Variants in ZNF208 observed in about 807,000 individuals in gnomAD.
ZNF208 encodes the protein zinc finger protein 95.
Under a neutral mutation model 12.1 loss-of-function variants are expected in ZNF208, and 10 were observed. The observed-to-expected ratio is 0.83, with a 90% CI of 0.51 to 1.40. ZNF208 has a LOEUF of 1.40. Among genes scored for constraint, ZNF208 ranks in the 40% most tolerant of loss-of-function variants. The pLI is 0.00. For synonymous variants in ZNF208, 497 were observed against 488.4 expected (o/e 1.02, Z -0.23); for missense variants, 1,652 against 1,485.0 (o/e 1.11, Z -1.85).
At chr19:21,999,409 G>A (rs1970900625) in intron 1 of ZNF208, among the ~76,000 whole-genome samples, 1 of 152,062 alleles carries the variant, frequency 6.6e-6, no homozygotes, top group African/African-American at 2.4e-5. Flanking sequence ...TATACTAACT[G>A]TACTGAAGTA....
chr19:21,963,188 A>G (rs1970107218), downstream of ZNF208, among the ~76,000 whole-genome samples: 2 of 152,014 alleles, frequency 1.3e-5, no homozygotes, highest in South Asian at 4.1e-4. Flanking sequence ...AAAAACTGTT[A>G]TTTTGCCTGA....
intron 4 of ZNF208, among the ~76,000 whole-genome samples, chr19:21,947,756 CTGA>C (rs2145513423): frequency 1.3e-5 from 2 of 152,320 alleles, no homozygotes; most frequent in South Asian, 4.1e-4. Context: ...CTCTGGGATT[CTGA>C]TGTTTTCCTG....
chr19:21,974,365 A>G lies in ZNF208; in HGVS notation c.669T>C (p.His223=). ...TACATCTGTAGGGTTTCTCTCCAGT[A>G]TGAGCACTCTTATAATAAGTAAGGG... ...SSTLTYYKSA[H]TGEKPYRCKE... Residue 223 remains histidine, a synonymous_variant, in exon 4 of 4, where the codon CAT becomes CAC. Transcript: ENST00000397126. The G allele has an allele frequency of 6.2e-7, 1 of 1,613,768 alleles. No individual in the cohort carries two copies. Among genetic ancestry groups the G allele is most frequent in the Non-Finnish European group, 8.5e-7 (1 of 1,179,788 alleles).
intron 3 of ZNF208, among the ~76,000 whole-genome samples, chr19:21,978,362 T>C (rs1599619991): frequency 6.6e-6 from 1 of 152,276 alleles, no homozygotes; most frequent in East Asian, 1.9e-4. Context: ...GGGACGAAGC[T>C]TCCAGAGGAA....
intron 1 of ZNF208, among the ~76,000 whole-genome samples, chr19:22,004,169 C>T (rs1448337980): frequency 6.6e-6 from 1 of 150,446 alleles, no homozygotes; most frequent in Non-Finnish European, 1.5e-5. Flanking sequence ...AAAGGTGAGA[C>T]CCTGTCTCCA....
At chr19:21,996,666 G>T (rs1035179525) in intron 1 of ZNF208, among the ~76,000 whole-genome samples, 2 of 152,074 alleles carry the variant, frequency 1.3e-5, no homozygotes, top group African/African-American at 4.8e-5. Context: ...GAACATTTGT[G>T]GGCATTTTAG....
chr19:21,971,487 T>C lies in ZNF208; in HGVS notation c.3547A>G (p.Ile1183Val), dbSNP rs372100985. 211 of 1,611,396 alleles carry C rather than the reference T, an allele frequency of 1.3e-4. No individual in the cohort carries two copies. The highest frequency in any genetic ancestry group is 5.0e-4 in the Middle Eastern group (3 of 6,060). Residue 1183 changes from isoleucine to valine, a missense_variant, in exon 4 of 4, where the codon ATC becomes GTC. By Grantham distance (29) the Ile-to-Val change is conservative. Transcript: ENST00000397126. ...ECGKGFVMFSILAKHKVIHTG... is the reference protein window; with the variant it reads ...ECGKGFVMFSVLAKHKVIHTG... ...TGAATTACCTTATGTTTTGCAAGGA[T>C]TGAGAACATAACAAAGCCTTTGCCA...
chr19:22,003,040 T>C (rs1163297949), intron 1 of ZNF208, among the ~76,000 whole-genome samples: 3 of 152,036 alleles, frequency 2.0e-5, no homozygotes, highest in Admixed American at 2.0e-4. Context: ...CCAGAAATAA[T>C]GCCACACACC....
intron 2 of ZNF208, 102 bp downstream of exon 2, chr19:21,988,676 TTTGTC>T: frequency 6.3e-7 from 1 of 1,597,840 alleles, no homozygotes; most frequent in Non-Finnish European, 8.5e-7. Flanking sequence ...CTCTTTTGTC[TTTGTC>T]TTTATTCTCA....
In ZNF208 at chr19:21,970,257, C is replaced by T. The variant is rs561248956; in HGVS notation, c.*934G>A. On this transcript the variant is annotated 3_prime_UTR_variant, in exon 4 of 4. Coordinates refer to ENST00000397126, the MANE Select transcript of ZNF208 (RefSeq NM_007153.3). ...GATCTATTAGAGGCTTTCCCACATTCTTCACACATGCATGGTTTCTCTCCA... is the reference window on the plus strand; with the variant it reads ...GATCTATTAGAGGCTTTCCCACATTTTTCACACATGCATGGTTTCTCTCCA... 9.2e-5 allele frequency among the ~76,000 whole-genome samples: 14 copies of T among 152,286 alleles called. 1 individual carries two copies. Among genetic ancestry groups the T allele is most frequent in the Non-Finnish European group, 1.9e-4 (13 of 68,024 alleles).
chr19:21,982,031 C>T (rs1970547501), intron 3 of ZNF208, among the ~76,000 whole-genome samples: 1 of 152,102 alleles, frequency 6.6e-6, no homozygotes, highest in Non-Finnish European at 1.5e-5. Context: ...CAAACCACTG[C>T]TCAAGAAAAT....
In ZNF208 at chr19:21,972,125, T is replaced by G; in HGVS notation, c.2909A>C (p.Glu970Ala). 6.2e-7 allele frequency: 1 copy of G among 1,610,070 alleles called. No individual in the cohort carries two copies. Among genetic ancestry groups the G allele is most frequent in the Non-Finnish European group, 8.5e-7 (1 of 1,177,500 alleles). Residue 970 changes from glutamate to alanine, a missense_variant, in exon 4 of 4, where the codon GAG becomes GCG. Around this residue, in one of 3 missense-constraint regions of ZNF208, gnomAD observed 1,239 missense variants for 1,086.2 expected, o/e 1.14. Transcript: ENST00000397126. Reference protein sequence around the residue: ...LSYHKKIHTEEKPYKYEECGK... With the variant: ...LSYHKKIHTEAKPYKYEECGK... ...ACATTCTTCATATTTGTAAGGTTTC[T>G]CTTCAGTATGAATTTTCTTATGATA...
At chr19:22,004,134 A>ACAC (rs1971002840) in intron 1 of ZNF208, among the ~76,000 whole-genome samples, 1 of 152,136 alleles carries the variant, frequency 6.6e-6, no homozygotes, top group East Asian at 1.9e-4. Flanking sequence ...AGCCAAGATC[A>ACAC]CACCACTGCA....
intron 4 of ZNF208, among the ~76,000 whole-genome samples, chr19:21,950,194 T>A (rs1409092001): frequency 6.6e-6 from 1 of 152,230 alleles, no homozygotes; most frequent in Non-Finnish European, 1.5e-5. Context: ...CCTTTCTATT[T>A]TTATCTATAT....
At position 21,973,514 on chromosome 19, in the gene ZNF208, T is replaced by G; in HGVS notation, c.1520A>C (p.Asn507Thr). 6.2e-7 allele frequency: 1 copy of G among 1,612,578 alleles called. No homozygotes were observed. The highest frequency in any genetic ancestry group is 2.2e-5 in the East Asian group (1 of 44,704). Residue 507 changes from asparagine to threonine, a missense_variant, in exon 4 of 4, where the codon AAC becomes ACC. Coordinates refer to ENST00000397126, the MANE Select transcript of ZNF208 (RefSeq NM_007153.3). The part of the protein sequence containing the change: ...YKCEECGKAF[N>T]WSSNLMEHKR... ...ATGTTCCATAAGGTTTGAGGACCAG[T>G]TGAAAGCTTTGCCACATTCTTCACA...
In ZNF208 at chr19:21,971,609, T is replaced by C; in HGVS notation, c.3425A>G (p.Lys1142Arg). 1 of 1,612,408 alleles carries C rather than the reference T, an allele frequency of 6.2e-7. No individual in the cohort carries two copies. The highest frequency in any genetic ancestry group is 8.5e-7 in the Non-Finnish European group (1 of 1,179,924). The change falls in exon 4 of 4, where the codon AAA becomes AGA. Residue 1142 changes from lysine (K) to arginine (R), a missense_variant. Transcript: ENST00000397126. Reference protein sequence around the residue: ...KVIHTGEKPYKCEECGKAYKW... With the variant: ...KVIHTGEKPYRCEECGKAYKW... ...ATAGGCTTTGCCACATTCTTCACAT[T>C]TGTAGGGTTTCTCTCCAGTATGAAT...
intron 4 of ZNF208, among the ~76,000 whole-genome samples, chr19:21,949,122 TGAC>T (rs1969856450): frequency 6.6e-6 from 1 of 151,978 alleles, no homozygotes; most frequent in Non-Finnish European, 1.5e-5. Flanking sequence ...TGTTCTGATA[TGAC>T]AAAAAAGGTT....
chr19:21,982,090 GC>G (rs1970549260), intron 3 of ZNF208, among the ~76,000 whole-genome samples: 1 of 152,090 alleles, frequency 6.6e-6, no homozygotes, highest in Admixed American at 6.6e-5. Context: ...GGGCGCAGTG[GC>G]TAACGTCTGT....
At chr19:21,951,937 T>A (rs538189679) in intron 4 of ZNF208, among the ~76,000 whole-genome samples, 1 of 152,270 alleles carries the variant, frequency 6.6e-6, no homozygotes, top group East Asian at 1.9e-4. Context: ...AATGGGATAT[T>A]CCCACCCAAA....
Sources: allele counts gnomAD v4.1 joint callset (sites outside exome capture counted in the v4.1 genomes callset), GRCh38; gene constraint gnomAD v4.1.1; regional missense constraint gnomAD v4.1.1; transcripts MANE v1.5; gene names NCBI Gene and HGNC (gene_info 2026-07-23, HGNC 2026-07-21).